Variants in MECOM observed in about 807,000 individuals in gnomAD.
MECOM encodes the protein histone-lysine N-methyltransferase MECOM.
MECOM carries 13 observed loss-of-function variants against 116.3 expected under a neutral mutation model. The observed-to-expected ratio is 0.11, with a 90% CI of 0.07 to 0.18. The LOEUF is 0.18. Among genes scored for constraint, MECOM ranks in the 10% least tolerant of loss-of-function variants. MECOM has a pLI of 1.00. For synonymous variants in MECOM, 528 were observed against 535.2 expected, an observed-to-expected ratio of 0.99 and a Z score of 0.19; for missense variants, 1,299 against 1,509.0, an observed-to-expected ratio of 0.86 and a Z score of 2.31.
At chr3:169,136,784 A>C (rs187354329) in intron 3 of MECOM, among the ~76,000 whole-genome samples, 83 of 152,206 alleles carry the variant, frequency 5.5e-4, no homozygotes, top group Non-Finnish European at 8.2e-4. Flanking sequence ...AAGGGGGAAA[A>C]TAAGAAAGAA....
At chr3:169,274,172 A>G (rs1206833186) in intron 2 of MECOM, among the ~76,000 whole-genome samples, 1 of 152,082 alleles carries the variant, frequency 6.6e-6, no homozygotes, top group Non-Finnish European at 1.5e-5. Flanking sequence ...TCGACCTCAC[A>G]AAGTGCTGGG....
In MECOM at chr3:169,310,861, G is replaced by A. The variant is rs527961963; in HGVS notation, c.375+70326C>T. Among the ~76,000 whole-genome samples, 49 of 152,322 alleles carry A rather than the reference G, an allele frequency of 3.2e-4. 1 individual carries two copies. The highest frequency in any genetic ancestry group is 1.2e-3 in the African/African-American group (48 of 41,566). On this transcript the variant is annotated intron_variant, in intron 2 of 16. Transcript: ENST00000651503. ...CTTAAAAGGATTTTAGACTGCTTGA[G>A]AGTAGGTTCACAGCCTATGCTTCTT...
chr3:169,316,849 G>A (rs776307690), intron 2 of MECOM, among the ~76,000 whole-genome samples: 1 of 152,126 alleles, frequency 6.6e-6, no homozygotes, highest in South Asian at 2.1e-4. Flanking sequence ...CACTGCGCCC[G>A]GCCAAAAGAC....
At chr3:169,170,811 TA>T (rs1441465485) in intron 2 of MECOM, among the ~76,000 whole-genome samples, 1 of 152,230 alleles carries the variant, frequency 6.6e-6, no homozygotes, top group African/African-American at 2.4e-5. Context: ...TTAACCCATT[TA>T]AAAGTGAACT....
chr3:169,162,972 T>C (rs1743062169), intron 2 of MECOM, among the ~76,000 whole-genome samples: 1 of 152,192 alleles, frequency 6.6e-6, no homozygotes, highest in African/African-American at 2.4e-5. Flanking sequence ...TGGGTCTTCC[T>C]ATTTTGTTTA....
intron 1 of MECOM, among the ~76,000 whole-genome samples, chr3:169,645,650 G>A (rs763104880): frequency 1.4e-4 from 22 of 151,992 alleles, no homozygotes; most frequent in Non-Finnish European, 2.8e-4. Flanking sequence ...CATCTATTGC[G>A]GCTACAAAGG....
At chr3:169,475,374 T>A (rs1750189822) in intron 1 of MECOM, among the ~76,000 whole-genome samples, 3 of 152,198 alleles carry the variant, frequency 2.0e-5, no homozygotes, top group Admixed American at 2.0e-4. Flanking sequence ...TTTTTTAAGT[T>A]ATTCCCATTT....
At chr3:169,478,984 A>C (rs906830521) in intron 1 of MECOM, among the ~76,000 whole-genome samples, 3 of 152,172 alleles carry the variant, frequency 2.0e-5, no homozygotes, top group African/African-American at 7.2e-5. Context: ...ATTCACCAAA[A>C]TATTTGTTGA....
intron 2 of MECOM, among the ~76,000 whole-genome samples, chr3:169,357,675 T>C (rs1727497297): frequency 6.6e-6 from 1 of 151,832 alleles, no homozygotes; most frequent in Non-Finnish European, 1.5e-5. Context: ...GGTCAAATCC[T>C]ATGAATATTT....
chr3:169,263,112 TA>T (rs1757781842), intron 2 of MECOM, among the ~76,000 whole-genome samples: 2 of 100,838 alleles, frequency 2.0e-5, no homozygotes, highest in African/African-American at 5.1e-5. Context: ...TATATATATA[TA>T]TATATATATA....
At chr3:169,655,125 C>A (rs1314142619) in intron 1 of MECOM, among the ~76,000 whole-genome samples, 1 of 152,134 alleles carries the variant, frequency 6.6e-6, no homozygotes, top group South Asian at 2.1e-4. Flanking sequence ...CGGCCCTGAA[C>A]CCCCTTGCCC....
intron 1 of MECOM, among the ~76,000 whole-genome samples, chr3:169,592,338 T>G (rs1766527776): frequency 6.6e-6 from 1 of 152,190 alleles, no homozygotes; most frequent in African/African-American, 2.4e-5. Context: ...GCCTCTTCCT[T>G]TCTGACTTTC....
chr3:169,355,936 T>A (rs1332966154), intron 2 of MECOM, among the ~76,000 whole-genome samples: 1 of 151,840 alleles, frequency 6.6e-6, no homozygotes, highest in Admixed American at 6.6e-5. Flanking sequence ...TTGATGGGGA[T>A]TTTTCTCCTG....
intron 2 of MECOM, chr3:169,146,888 A>T: frequency 1.9e-6 from 2 of 1,028,162 alleles, no homozygotes; most frequent in African/African-American, 1.7e-5. Context: ...ATAATTTTTT[A>T]AAAGCCTCGC....
intron 2 of MECOM, among the ~76,000 whole-genome samples, chr3:169,256,862 AG>A (rs926776680): frequency 6.6e-6 from 1 of 152,188 alleles, no homozygotes; most frequent in Non-Finnish European, 1.5e-5. Flanking sequence ...GTAATTTCCC[AG>A]GGTCCCAGTC....
intron 2 of MECOM, among the ~76,000 whole-genome samples, chr3:169,286,024 C>A (rs1450022091): frequency 1.3e-5 from 2 of 152,170 alleles, no homozygotes; most frequent in African/African-American, 4.8e-5. Flanking sequence ...TGAAAACATG[C>A]ATTCGCTGTG....
chr3:169,454,769 A>T (rs1403875331), intron 1 of MECOM, among the ~76,000 whole-genome samples: 3 of 152,212 alleles, frequency 2.0e-5, no homozygotes, highest in African/African-American at 7.2e-5. Flanking sequence ...CTTATTACAC[A>T]TTTAAAATAA....
rs1723761399 is a variant in MECOM, at chr3:169,102,112, T to C, written c.2719A>G (p.Asn907Asp). The change falls in exon 11 of 17, where the codon AAT becomes GAT. Residue 907 changes from asparagine to aspartate, a missense_variant. This residue lies in a region of MECOM where 340 missense variants were observed against 312.6 expected (regional missense o/e 1.09). Coordinates refer to ENST00000651503, the MANE Select transcript of MECOM (RefSeq NM_004991.4). ...CGCAGAAGGTTCTCTGGCAGGGCAT[T>C]GGGAGGCGCCCTGAAGTTGAACATA... Reference protein sequence around the residue: ...PSMFNFRAPPNALPENLLRKG... With the variant: ...PSMFNFRAPPDALPENLLRKG... The C allele has an allele frequency of 6.2e-7, 1 of 1,613,786 alleles. No individual in the cohort carries two copies. Among genetic ancestry groups the C allele is most frequent in the Non-Finnish European group, 8.5e-7 (1 of 1,179,842 alleles).
At chr3:169,433,639 G>GAGAGAAAGAAAGAA (rs1553851604) in intron 1 of MECOM, among the ~76,000 whole-genome samples, 3 of 126,952 alleles carry the variant, frequency 2.4e-5, no homozygotes, top group African/African-American at 9.1e-5. Flanking sequence ...GAAAGAGAAA[G>GAGAGAAAGAAAGAA]AGAAAGAAAG....
Sources: gnomAD v4.1 joint callset for allele counts (sites outside exome capture counted in the v4.1 genomes callset) on GRCh38, gnomAD v4.1.1 for gene constraint, gnomAD v4.1.1 regional missense constraint, MANE v1.5 for transcripts, NCBI Gene and HGNC (gene_info 2026-07-23, HGNC 2026-07-21) for gene names.